GALNTL6: variants seen among roughly 807,000 people sequenced by gnomAD.
GALNTL6 encodes polypeptide N-acetylgalactosaminyltransferase like 6.
GALNTL6 carries 46 observed loss-of-function variants against 73.7 expected under a neutral mutation model. The ratio of observed to expected loss-of-function variants is 0.62; its 90% CI spans 0.49 to 0.80. The LOEUF (loss-of-function observed/expected upper bound fraction) is 0.80. GALNTL6 is among the 30% of genes least tolerant of loss of function. GALNTL6 has a pLI of 0.00. For synonymous variants in GALNTL6, 259 were observed against 263.7 expected (o/e 0.98, Z 0.17); for missense variants, 604 against 755.0 (o/e 0.80, Z 2.34).
intron 3 of GALNTL6, among the ~76,000 whole-genome samples, chr4:172,262,535 T>A (rs1738293197): frequency 6.6e-6 from 1 of 151,572 alleles, no homozygotes; most frequent in South Asian, 2.1e-4. Context: ...GGTAAGTTTC[T>A]TGAAGACAGC....
chr4:172,582,888 G>T (rs1737248343), intron 5 of GALNTL6, among the ~76,000 whole-genome samples: 1 of 152,028 alleles, frequency 6.6e-6, no homozygotes, highest in South Asian at 2.1e-4. Flanking sequence ...GCATTAAAAA[G>T]TCTGCATCCT....
At position 172,291,626 on chromosome 4, in the gene GALNTL6, G is replaced by A. The variant is rs149973012; in HGVS notation, c.248-19988G>A. On this transcript the variant is annotated intron_variant, in intron 3 of 12. Coordinates refer to ENST00000506823, the MANE Select transcript of GALNTL6 (RefSeq NM_001034845.3). ...GAAATATGTTATCTATAAGATTGATGTAGTGTTTTTCCATGGAGTCTAAAG... is the reference window on the plus strand; with the variant it reads ...GAAATATGTTATCTATAAGATTGATATAGTGTTTTTCCATGGAGTCTAAAG... Among the ~76,000 whole-genome samples, 411 of 152,108 alleles carry A rather than the reference G, an allele frequency of 2.7e-3. 2 individuals are homozygous for A. Among genetic ancestry groups the A allele is most frequent in the African/African-American group, 9.3e-3 (388 of 41,536 alleles).
chr4:172,180,000 A>G (rs925696888), intron 2 of GALNTL6, among the ~76,000 whole-genome samples: 1 of 152,236 alleles, frequency 6.6e-6, no homozygotes, highest in Admixed American at 6.5e-5. Flanking sequence ...TTCTAGTTCT[A>G]GATCCTTGAG....
chr4:173,001,665 A>G (rs1752051529), intron 10 of GALNTL6, among the ~76,000 whole-genome samples: 1 of 152,248 alleles, frequency 6.6e-6, no homozygotes, highest in Non-Finnish European at 1.5e-5. Context: ...AACTCCTTAA[A>G]CAAAAATAAA....
At chr4:172,079,380 T>C (rs972296505) in intron 2 of GALNTL6, among the ~76,000 whole-genome samples, 2 of 152,170 alleles carry the variant, frequency 1.3e-5, no homozygotes, top group African/African-American at 4.8e-5. Flanking sequence ...TTTTGTAGGT[T>C]ATTTTAGATA....
chr4:172,825,090 CT>C (rs1742179906), intron 7 of GALNTL6, among the ~76,000 whole-genome samples: 1 of 65,524 alleles, frequency 1.5e-5, no homozygotes, highest in Admixed American at 2.0e-4. Context: ...TTCTTTCTTT[CT>C]TTCTTTCTTT....
chr4:171,972,762 T>G (rs1001347029), intron 2 of GALNTL6, among the ~76,000 whole-genome samples: 1 of 152,162 alleles, frequency 6.6e-6, no homozygotes, highest in African/African-American at 2.4e-5. Flanking sequence ...GCAAAGGATA[T>G]TCCTGTAAAC....
intron 7 of GALNTL6, among the ~76,000 whole-genome samples, chr4:172,821,431 C>T (rs187112027): frequency 9.9e-5 from 15 of 152,264 alleles, no homozygotes; most frequent in Middle Eastern, 3.4e-3. Flanking sequence ...CTTAGGCACC[C>T]GCTAAGTGAA....
chr4:173,036,222 C>T lies in GALNTL6; in HGVS notation c.1639-3711C>T, dbSNP rs118070422. On this transcript the variant is annotated intron_variant, in intron 12 of 12. Transcript: ENST00000506823. ...GTGGTAGTTTCATTCTTGGAATCAC[C>T]TTCCTATATATAATGGACTCATATA... Among the ~76,000 whole-genome samples, 61 of 151,952 alleles carry T rather than the reference C, an allele frequency of 4.0e-4. No individual in the cohort carries two copies. In the East Asian group the frequency reaches 8.9e-3, roughly 22 times the overall value.
At chr4:172,212,047 A>G (rs1336050272) in intron 2 of GALNTL6, among the ~76,000 whole-genome samples, 1 of 152,094 alleles carries the variant, frequency 6.6e-6, no homozygotes, top group Non-Finnish European at 1.5e-5. Context: ...CTCATTTCCA[A>G]AGTTACTTAG....
intron 2 of GALNTL6, among the ~76,000 whole-genome samples, chr4:172,044,924 A>T (rs1487930752): frequency 6.6e-6 from 1 of 152,146 alleles, no homozygotes; most frequent in South Asian, 2.1e-4. Flanking sequence ...TTTCTATACA[A>T]TATATTTCAG....
intron 8 of GALNTL6, among the ~76,000 whole-genome samples, chr4:172,911,450 A>C (rs1434231932): frequency 6.6e-6 from 1 of 152,230 alleles, no homozygotes; most frequent in African/African-American, 2.4e-5. Context: ...GTTGCATTTC[A>C]TATCTAAAAT....
chr4:172,747,168 T>C (rs1560923829), intron 5 of GALNTL6, among the ~76,000 whole-genome samples: 1 of 152,084 alleles, frequency 6.6e-6, no homozygotes, highest in East Asian at 1.9e-4. Flanking sequence ...AAAAACGAGA[T>C]AGGATTGCCT....
chr4:172,937,462 G>T (rs1038170691), intron 9 of GALNTL6, among the ~76,000 whole-genome samples: 1 of 152,262 alleles, frequency 6.6e-6, no homozygotes, highest in Non-Finnish European at 1.5e-5. Context: ...TTTAGATAAG[G>T]TTAAGTGACA....
At chr4:172,687,838 C>T (rs545452054) in intron 5 of GALNTL6, among the ~76,000 whole-genome samples, 12 of 152,056 alleles carry the variant, frequency 7.9e-5, no homozygotes, top group African/African-American at 2.7e-4. Flanking sequence ...GGGACAGTCT[C>T]GGGATTATAA....
intron 10 of GALNTL6, among the ~76,000 whole-genome samples, chr4:172,967,865 CG>C (rs1335292097): frequency 6.6e-6 from 1 of 152,014 alleles, no homozygotes; most frequent in Non-Finnish European, 1.5e-5. Flanking sequence ...CCAAGAATAA[CG>C]GGGGACTACT....
intron 9 of GALNTL6, among the ~76,000 whole-genome samples, chr4:172,949,104 A>G (rs1418548497): frequency 1.3e-5 from 2 of 152,164 alleles, no homozygotes; most frequent in African/African-American, 4.8e-5. Flanking sequence ...AATTGTTCCC[A>G]TTTCAGTGCT....
intron 5 of GALNTL6, among the ~76,000 whole-genome samples, chr4:172,598,420 A>G (rs1348189182): frequency 6.6e-6 from 1 of 152,182 alleles, no homozygotes; most frequent in Admixed American, 6.5e-5. Context: ...GATAACTGCC[A>G]TTAGAAACAT....
chr4:171,841,449 G>A (rs1735237448), intron 2 of GALNTL6, among the ~76,000 whole-genome samples: 1 of 152,002 alleles, frequency 6.6e-6, no homozygotes, highest in South Asian at 2.1e-4. Context: ...AACAAATATA[G>A]CTTAAGTGAA....
Sources: allele counts gnomAD v4.1 joint callset (sites outside exome capture counted in the v4.1 genomes callset), GRCh38; gene constraint gnomAD v4.1.1; transcripts MANE v1.5; gene names NCBI Gene and HGNC (gene_info 2026-07-23, HGNC 2026-07-21).